The following PTPRD variants were observed in gnomAD, a reference collection of about 807,000 sequenced individuals.
PTPRD encodes the protein receptor-type tyrosine-protein phosphatase delta.
PTPRD carries 34 observed loss-of-function variants against 214.5 expected under a neutral mutation model. The observed-to-expected ratio is 0.16, with a 90% CI of 0.12 to 0.21. PTPRD has a LOEUF of 0.21. Ranked by LOEUF, PTPRD falls within the 10% of genes least tolerant of loss-of-function variation. The pLI, the probability that PTPRD is intolerant of heterozygous loss-of-function variation, is 1.00. For synonymous variants in PTPRD, 1,128 were observed against 845.7 expected (o/e 1.33, Z -5.79); for missense variants, 2,545 against 2,398.7 (o/e 1.06, Z -1.27).
Position 9,947,560 on chromosome 9 carries a change from TA to T in PTPRD, c.-471-8951del, listed in dbSNP as rs1566623726. ...ATATATAATATATATATTATATATA[TA>T]TTTTATATATATATTATATATATAT... On this transcript the variant is annotated intron_variant, in intron 4 of 45. Transcript: ENST00000381196. 1.7e-3 allele frequency among the ~76,000 whole-genome samples: 66 copies of T among 38,176 alleles called. 2 individuals carry two copies. The highest frequency in any genetic ancestry group is 2.2e-3 in the Non-Finnish European group (53 of 24,620). 25.0% of individuals were successfully genotyped at this position (38,176 alleles called of 152,430 possible). A position where few individuals can be genotyped will look rare whatever the true frequency, so the allele number is the denominator to read the frequency against.
intron 14 of PTPRD, among the ~76,000 whole-genome samples, chr9:8,596,807 C>T (rs145450332): frequency 1.5e-4 from 23 of 152,174 alleles, no homozygotes; most frequent in African/African-American, 5.5e-4. Flanking sequence ...TGATAAACAG[C>T]TTTGCTACAT....
chr9:9,674,885 G>A (rs556379121), intron 7 of PTPRD, among the ~76,000 whole-genome samples: 1 of 151,892 alleles, frequency 6.6e-6, no homozygotes, highest in Admixed American at 6.6e-5. Flanking sequence ...ACAATAGTGA[G>A]AAATATGAAC....
intron 2 of PTPRD, among the ~76,000 whole-genome samples, chr9:10,399,663 G>C (rs908959449): frequency 2.0e-5 from 3 of 151,880 alleles, no homozygotes; most frequent in Non-Finnish European, 2.9e-5. Context: ...CTTGTTCAGA[G>C]AAAATTTCAG....
rs1602593378 is a variant in PTPRD, at chr9:9,930,950, A to G, written c.-368+7557T>C. 2.6e-5 allele frequency among the ~76,000 whole-genome samples: 4 copies of G among 152,220 alleles called. No homozygotes were observed. In the South Asian group the frequency reaches 8.3e-4, roughly 32 times the overall value. ...TTACTACCATGACTCTCCCGAATTC[A>G]TAATTTTCCTTAGTATAAAATAAAA... On this transcript the variant is annotated intron_variant, in intron 5 of 45. Transcript: ENST00000381196.
chr9:8,937,668 C>G (rs980224170), intron 11 of PTPRD, among the ~76,000 whole-genome samples: 4 of 152,200 alleles, frequency 2.6e-5, no homozygotes, highest in African/African-American at 9.7e-5. Flanking sequence ...ATTCAAGATT[C>G]AAAGTGCAAT....
At chr9:10,568,044 C>T (rs1041368678) in intron 2 of PTPRD, among the ~76,000 whole-genome samples, 1 of 151,128 alleles carries the variant, frequency 6.6e-6, no homozygotes, top group Non-Finnish European at 1.5e-5. Context: ...TATACATGTG[C>T]CATGTTGGTG....
intron 7 of PTPRD, among the ~76,000 whole-genome samples, chr9:9,646,339 GT>G (rs2096172860): frequency 4.7e-5 from 7 of 147,600 alleles, no homozygotes; most frequent in East Asian, 3.9e-4. Context: ...GTGTGTGTGT[GT>G]GTGGGTGTGT....
At chr9:9,358,143 C>A (rs1569567692) in intron 9 of PTPRD, among the ~76,000 whole-genome samples, 1 of 151,190 alleles carries the variant, frequency 6.6e-6, no homozygotes, top group Admixed American at 6.6e-5. Context: ...TTTGAAACAG[C>A]ATATTCTCCT....
At chr9:9,624,994 T>G (rs1355656100) in intron 7 of PTPRD, among the ~76,000 whole-genome samples, 1 of 152,196 alleles carries the variant, frequency 6.6e-6, no homozygotes, top group Non-Finnish European at 1.5e-5. Flanking sequence ...ATACTTGCCT[T>G]GTGCCTACTG....
At chr9:8,782,709 T>C (rs1003555803) in intron 11 of PTPRD, among the ~76,000 whole-genome samples, 2 of 151,170 alleles carry the variant, frequency 1.3e-5, no homozygotes, top group Non-Finnish European at 1.5e-5. Flanking sequence ...GCAATTCTCC[T>C]GCCTCAGCCT....
intron 11 of PTPRD, among the ~76,000 whole-genome samples, chr9:8,994,840 A>T (rs2099390503): frequency 6.6e-6 from 1 of 152,200 alleles, no homozygotes; most frequent in South Asian, 2.1e-4. Flanking sequence ...ATTTCATCTT[A>T]TATGCAACTA....
chr9:8,427,774 T>C (rs923998643), intron 35 of PTPRD, among the ~76,000 whole-genome samples: 1 of 152,098 alleles, frequency 6.6e-6, no homozygotes, highest in South Asian at 2.1e-4. Flanking sequence ...TTCTAAGACA[T>C]ACATTTCCTT....
At chr9:8,629,899 AAC>A (rs765845021) in intron 14 of PTPRD, among the ~76,000 whole-genome samples, 15 of 151,726 alleles carry the variant, frequency 9.9e-5, no homozygotes, top group Non-Finnish European at 1.8e-4. Context: ...TCCTTATTGA[AAC>A]ACAGTTTTTG....
chr9:9,576,912 A>C (rs1363698680), intron 7 of PTPRD, among the ~76,000 whole-genome samples: 1 of 152,166 alleles, frequency 6.6e-6, no homozygotes, highest in Admixed American at 6.5e-5. Flanking sequence ...CAACATAAAA[A>C]TCACATAAAG....
chr9:10,361,083 C>CAG (rs1283562356), intron 2 of PTPRD, among the ~76,000 whole-genome samples: 31 of 152,236 alleles, frequency 2.0e-4, no homozygotes, highest in Admixed American at 1.2e-3. Context: ...GCCTGGGCGA[C>CAG]AGCGAGACTC....
At chr9:10,607,844 C>T (rs1440852285) in intron 2 of PTPRD, among the ~76,000 whole-genome samples, 1 of 151,824 alleles carries the variant, frequency 6.6e-6, no homozygotes, top group African/African-American at 2.4e-5. Context: ...TTTGTTATTA[C>T]ATTTTTTTAA....
chr9:9,318,949 G>A (rs556586917), intron 9 of PTPRD, among the ~76,000 whole-genome samples: 14 of 152,128 alleles, frequency 9.2e-5, no homozygotes, highest in Non-Finnish European at 1.5e-4. Flanking sequence ...ATCAAGATGT[G>A]CAATATACAG....
chr9:9,297,887 T>C (rs989691830), intron 9 of PTPRD, among the ~76,000 whole-genome samples: 8 of 151,658 alleles, frequency 5.3e-5, no homozygotes, highest in Non-Finnish European at 1.0e-4. Context: ...ACTTTACATA[T>C]AGTAGATCAT....
intron 6 of PTPRD, among the ~76,000 whole-genome samples, chr9:9,743,193 T>C (rs984644728): frequency 1.3e-5 from 2 of 152,170 alleles, no homozygotes; most frequent in Non-Finnish European, 2.9e-5. Context: ...AATGCATTCA[T>C]AAATAAAACA....
Sources: allele counts gnomAD v4.1 joint callset (sites outside exome capture counted in the v4.1 genomes callset), GRCh38; gene constraint gnomAD v4.1.1; transcripts MANE v1.5; gene names NCBI Gene and HGNC (gene_info 2026-07-23, HGNC 2026-07-21).